Variants in ANKRD34C observed in about 807,000 individuals in gnomAD.
ANKRD34C encodes ankyrin repeat domain 34C.
For missense variants in ANKRD34C, 563 were observed against 653.0 expected, an observed-to-expected ratio of 0.86 and a Z score of 1.50; for synonymous variants, 260 against 253.6, an observed-to-expected ratio of 1.03 and a Z score of -0.24.
Position 79,293,416 on chromosome 15 carries a change from C to T in ANKRD34C, c.132C>T (p.Gly44=), listed in dbSNP as rs549187926. Residue 44 remains glycine, a synonymous_variant, in exon 2 of 2, where the codon GGC becomes GGT. Transcript: ENST00000421388. ...GAYINESNDK[G]ETALMVACIT... ...ATATCAATGAAAGCAATGACAAAGG[C>T]GAAACAGCTCTCATGGTGGCGTGCA... is the stretch of plus-strand genomic sequence containing the variant. 95 of 1,551,628 alleles carry T rather than the reference C, an allele frequency of 6.1e-5. 1 individual carries two copies. In the South Asian group the frequency reaches 9.0e-4, roughly 15 times the overall value.
Position 79,293,970 on chromosome 15 carries a change from C to T in ANKRD34C, c.686C>T (p.Pro229Leu). ...SCNTSKAVNE[P>L]GSPTRKVSNL... ...AACACCTCCAAGGCTGTTAATGAGC[C>T]TGGGTCACCCACCAGGAAAGTCAGT... The change falls in exon 2 of 2, where the codon CCT (proline) becomes CTT (leucine). Residue 229 changes from proline (P) to leucine (L), a missense_variant. Physicochemically the swap from Pro to Leu is moderately conservative, Grantham distance 98 (BLOSUM62 -3). Transcript: ENST00000421388. 1 of 1,551,714 alleles carries T rather than the reference C, an allele frequency of 6.4e-7. No individual in the cohort carries two copies. The highest frequency in any genetic ancestry group is 8.7e-7 in the Non-Finnish European group (1 of 1,146,998).
In ANKRD34C at chr15:79,297,785, T is replaced by C. The variant is rs1320724505; in HGVS notation, c.*2893T>C. 4.8e-5 allele frequency: 8 copies of C among 166,794 alleles called. No homozygotes were observed. Among genetic ancestry groups the C allele is most frequent in the Non-Finnish European group, 1.0e-4 (7 of 68,128 alleles). The allele number at this position is 166,794 out of a possible 1,614,324, so 10.3% of individuals were successfully genotyped here. On this transcript the variant is annotated 3_prime_UTR_variant, in exon 2 of 2. Transcript: ENST00000421388. ...TAAAAGTATATTTTAGATTCAAACA[T>C]GCTTTCTAGATCAGAGGTTAACTTG...
rs1264980002 is a variant in ANKRD34C, at chr15:79,297,683, A to C, written c.*2791A>C. On this transcript the variant is annotated 3_prime_UTR_variant, in exon 2 of 2. Transcript: ENST00000421388. The stretch of plus-strand genomic sequence containing the variant: ...TTAGACTGTTCTATACCAGTACAAC[A>C]ACCAAAATACTTTCTCATAGATTAT... 1.2e-5 allele frequency: 2 copies of C among 167,060 alleles called. No homozygotes were observed. The highest frequency in any genetic ancestry group is 3.8e-4 in the East Asian group (2 of 5,202). 10.3% of individuals were successfully genotyped at this position (167,060 alleles called of 1,614,324 possible). A position where few individuals can be genotyped will look rare whatever the true frequency, so the allele number is the denominator to read the frequency against.
chr15:79,293,322 A>T lies in ANKRD34C; in HGVS notation c.38A>T (p.Asn13Ile). The change falls in exon 2 of 2, where the codon AAC becomes ATC. Residue 13 changes from asparagine to isoleucine, a missense_variant. Transcript: ENST00000421388. ...DDDTELRTDGNSLLKAVWLGR... is the reference protein window; with the variant it reads ...DDDTELRTDGISLLKAVWLGR... ...GACACTGAATTAAGGACTGATGGAA[A>T]CTCTTTGTTAAAGGCTGTGTGGCTG... 1 of 1,543,502 alleles carries T rather than the reference A, an allele frequency of 6.5e-7. No homozygotes were observed. The highest frequency in any genetic ancestry group is 8.7e-7 in the Non-Finnish European group (1 of 1,143,296).
chr15:79,292,273 A>G (rs2141202614), intron 1 of ANKRD34C, among the ~76,000 whole-genome samples: 1 of 152,326 alleles, frequency 6.6e-6, no homozygotes, highest in African/African-American at 2.4e-5. Flanking sequence ...TGGGACACCC[A>G]TCTCTTCTTA....
chr15:79,291,682 C>T (rs750815338), intron 1 of ANKRD34C, among the ~76,000 whole-genome samples: 2 of 150,222 alleles, frequency 1.3e-5, no homozygotes, highest in African/African-American at 2.5e-5. Context: ...GAGACAGAAA[C>T]GGAGACTTGT....
At position 79,294,439 on chromosome 15, in the gene ANKRD34C, G is replaced by A. The variant is rs1418761808; in HGVS notation, c.1155G>A (p.Gln385=). The stretch of plus-strand genomic sequence containing the variant: ...ATGACCTCTATGACTTAGATATACA[G>A]CCAGGGCCTGACCCTCCCAACTCCA... ...LENDLYDLDI[Q]PGPDPPNSIS... The change falls in exon 2 of 2, where the codon CAG becomes CAA. Residue 385 remains glutamine, a synonymous_variant. Transcript: ENST00000421388. 6.4e-7 allele frequency: 1 copy of A among 1,551,696 alleles called. No homozygotes were observed. Among genetic ancestry groups the A allele is most frequent in the East Asian group, 2.4e-5 (1 of 40,910 alleles).
chr15:79,284,853 C>G (rs2058639064), intron 1 of ANKRD34C, among the ~76,000 whole-genome samples: 2 of 152,318 alleles, frequency 1.3e-5, no homozygotes, highest in South Asian at 4.1e-4. Context: ...TCCCGCCTCT[C>G]TAGCTTATAA....
At position 79,285,525 on chromosome 15, in the gene ANKRD34C, C is replaced by G. The variant is rs541982068; in HGVS notation, c.-45+2297C>G. Among the ~76,000 whole-genome samples, 10 of 152,304 alleles carry G rather than the reference C, an allele frequency of 6.6e-5. No homozygotes were observed. The South Asian group carries it at 1.5e-3, about 22-fold the overall frequency. ...ACATCCGTTAGCTTATTTAGGCCTT[C>G]TAACAACTCTGAAGAGATAAGCAGC... On this transcript the variant is annotated intron_variant, in intron 1 of 1. Coordinates refer to ENST00000421388, the MANE Select transcript of ANKRD34C (RefSeq NM_001146341.2).
chr15:79,284,455 G>T (rs993431689), intron 1 of ANKRD34C, among the ~76,000 whole-genome samples: 1 of 152,192 alleles, frequency 6.6e-6, no homozygotes, highest in African/African-American at 2.4e-5. Context: ...AAAAGTGTCA[G>T]GGGAGGGTGG....
In ANKRD34C at chr15:79,294,186, G is replaced by A. The variant is rs1420287388; in HGVS notation, c.902G>A (p.Ser301Asn). ...PKRGPLSRTN[S>N]IDSKDPTLFH... ...AGGGGGCCCCTCTCCAGAACCAACAGTATCGATAGCAAAGACCCCACCCTC... is the reference window on the plus strand; with the variant it reads ...AGGGGGCCCCTCTCCAGAACCAACAATATCGATAGCAAAGACCCCACCCTC... The change falls in exon 2 of 2, where the codon AGT (serine) becomes AAT (asparagine). Residue 301 changes from serine (S) to asparagine (N), a missense_variant. Ser to Asn is a conservative substitution (Grantham distance 46). Transcript: ENST00000421388. 1 of 1,551,608 alleles carries A rather than the reference G, an allele frequency of 6.4e-7. No homozygotes were observed. The highest frequency in any genetic ancestry group is 1.4e-5 in the African/African-American group (1 of 73,148).
chr15:79,283,536 T>C (rs1346819281), intron 1 of ANKRD34C: 1 of 152,252 alleles, frequency 6.6e-6, no homozygotes, highest in Admixed American at 6.5e-5. Context: ...CGTCAGTTTT[T>C]GCAGAAACCT....
chr15:79,294,534 A>G lies in ANKRD34C; in HGVS notation c.1250A>G (p.His417Arg), dbSNP rs1416746969. 1.3e-6 allele frequency: 2 copies of G among 1,551,644 alleles called. No homozygotes were observed. Among genetic ancestry groups the G allele is most frequent in the Admixed American group, 3.9e-5 (2 of 51,000 alleles). Residue 417 changes from histidine (H) to arginine (R), a missense_variant, in exon 2 of 2, where the codon CAT becomes CGT. Transcript: ENST00000421388. Reference protein sequence around the residue: ...KLNSSHLSLFHGSRESLDTVP... With the variant: ...KLNSSHLSLFRGSRESLDTVP... ...AACAGCTCTCACTTGTCTCTTTTCCATGGCTCTCGGGAGTCCCTGGACACT... is the reference window on the plus strand; with the variant it reads ...AACAGCTCTCACTTGTCTCTTTTCCGTGGCTCTCGGGAGTCCCTGGACACT...
chr15:79,294,542 C>T lies in ANKRD34C; in HGVS notation c.1258C>T (p.Arg420Trp), dbSNP rs912496111. The change falls in exon 2 of 2, where the codon CGG (arginine) becomes TGG (tryptophan). Residue 420 changes from arginine (R) to tryptophan (W), a missense_variant. Arg to Trp is a moderately radical substitution (Grantham distance 101, BLOSUM62 -3). Transcript: ENST00000421388. ...SSHLSLFHGS[R>W]ESLDTVPSTS... is the part of the protein sequence containing the mutation. ...TCACTTGTCTCTTTTCCATGGCTCTCGGGAGTCCCTGGACACTGTACCTAG... is the reference window on the plus strand; with the variant it reads ...TCACTTGTCTCTTTTCCATGGCTCTTGGGAGTCCCTGGACACTGTACCTAG... 6 of 1,551,704 alleles carry T rather than the reference C, an allele frequency of 3.9e-6. No individual in the cohort carries two copies. The highest frequency in any genetic ancestry group is 1.2e-5 in the South Asian group (1 of 84,054).
chr15:79,292,154 G>A (rs901387851), intron 1 of ANKRD34C, among the ~76,000 whole-genome samples: 2 of 152,226 alleles, frequency 1.3e-5, no homozygotes, highest in African/African-American at 4.8e-5. Flanking sequence ...TAGGCCACAT[G>A]AGCCATCTGC....
chr15:79,294,542 C>A lies in ANKRD34C; in HGVS notation c.1258C>A (p.Arg420=), dbSNP rs912496111. ...TCACTTGTCTCTTTTCCATGGCTCTCGGGAGTCCCTGGACACTGTACCTAG... is the reference window on the plus strand; with the variant it reads ...TCACTTGTCTCTTTTCCATGGCTCTAGGGAGTCCCTGGACACTGTACCTAG... ...SSHLSLFHGS[R]ESLDTVPSTS... is the part of the protein sequence containing the mutation. Residue 420 remains arginine (R), a synonymous_variant, in exon 2 of 2, where the codon CGG becomes AGG. Transcript: ENST00000421388. 1.3e-6 allele frequency: 2 copies of A among 1,551,586 alleles called. No individual in the cohort carries two copies. Among genetic ancestry groups the A allele is most frequent in the Non-Finnish European group, 1.7e-6 (2 of 1,146,994 alleles).
chr15:79,294,698 C>T lies in ANKRD34C; in HGVS notation c.1414C>T (p.Pro472Ser). ...GCCGCCTTTAAATGTGAATCTGAAC[C>T]CGCCTATTCCAGATATTAGATCTAG... ...FLPPLNVNLN[P>S]PIPDIRSSSK... The change falls in exon 2 of 2, where the codon CCG becomes TCG. Residue 472 changes from proline to serine, a missense_variant. Physicochemically the swap from Pro to Ser is moderately conservative, Grantham distance 74. Transcript: ENST00000421388. 1.9e-6 allele frequency: 3 copies of T among 1,551,722 alleles called. No homozygotes were observed. Among genetic ancestry groups the T allele is most frequent in the Admixed American group, 2.0e-5 (1 of 51,010 alleles).
Position 79,293,681 on chromosome 15 carries a change from GA to G in ANKRD34C, c.398del (p.Asp133ValfsTer3). On this transcript the variant is annotated frameshift_variant, in exon 2 of 2. Transcript: ENST00000421388. LOFTEE classifies it low-confidence loss of function (END_TRUNC). ...LVYAINADDKDALKHLLDACK... is the reference protein window; with the variant it reads ...LVYAINADDKXALKHLLDACK... Reference sequence around the variant, plus strand: ...TTATGCAATAAATGCAGATGACAAGGATGCATTGAAGCATCTCCTTGATGCC... The same window carrying G: ...TTATGCAATAAATGCAGATGACAAGGTGCATTGAAGCATCTCCTTGATGCC... 1 of 1,551,650 alleles carries G rather than the reference GA, an allele frequency of 6.4e-7. No homozygotes were observed. The highest frequency in any genetic ancestry group is 8.7e-7 in the Non-Finnish European group (1 of 1,146,970).
chr15:79,291,593 CACACACACAGAGAGAG>C lies in ANKRD34C; in HGVS notation c.-44-1646_-44-1631del, dbSNP rs1218236434. 4.1e-3 allele frequency among the ~76,000 whole-genome samples: 486 copies of C among 119,082 alleles called. 1 individual carries two copies. The highest frequency in any genetic ancestry group is 0.011 in the African/African-American group (330 of 30,626). 78.1% of individuals were successfully genotyped at this position (119,082 alleles called of 152,430 possible). On this transcript the variant is annotated intron_variant, in intron 1 of 1. Transcript: ENST00000421388. ...ACACACACACACACACACACACACA[CACACACACAGAGAGAG>C]AGAGAGAGAGAGAGAGAGAGAGATC... is the stretch of plus-strand genomic sequence containing the variant.
Sources: gnomAD v4.1 joint callset for allele counts (sites outside exome capture counted in the v4.1 genomes callset) on GRCh38, gnomAD v4.1.1 for gene constraint, MANE v1.5 for transcripts, NCBI Gene and HGNC (gene_info 2026-07-23, HGNC 2026-07-21) for gene names.